MACROD2: variants seen among roughly 807,000 people sequenced by gnomAD.
MACROD2 encodes the protein mono-ADP ribosylhydrolase 2.
MACROD2 carries 36 observed loss-of-function variants against 70.4 expected under a neutral mutation model. The ratio of observed to expected loss-of-function variants is 0.51; its 90% CI spans 0.39 to 0.68. The LOEUF (loss-of-function observed/expected upper bound fraction) is 0.68. Ranked by LOEUF, MACROD2 falls within the 30% of genes least tolerant of loss-of-function variation. The pLI, the probability that MACROD2 is intolerant of heterozygous loss-of-function variation, is 0.00. For missense variants in MACROD2, 496 were observed against 538.4 expected, an observed-to-expected ratio of 0.92 and a Z score of 0.78; for synonymous variants, 172 against 178.8, an observed-to-expected ratio of 0.96 and a Z score of 0.30.
chr20:14,591,345 G>A (rs927079006), intron 4 of MACROD2, among the ~76,000 whole-genome samples: 12 of 152,074 alleles, frequency 7.9e-5, no homozygotes, highest in Non-Finnish European at 1.0e-4. Flanking sequence ...CAGAGGCTTC[G>A]CTCAAATTAT....
intron 3 of MACROD2, among the ~76,000 whole-genome samples, chr20:14,377,246 C>T (rs796427856): frequency 2.6e-5 from 4 of 152,242 alleles, no homozygotes; most frequent in African/African-American, 9.6e-5. Context: ...TGCTAAGGCT[C>T]CTAGTTCTAA....
chr20:15,938,557 T>C (rs1311436329), intron 12 of MACROD2, among the ~76,000 whole-genome samples: 1 of 152,174 alleles, frequency 6.6e-6, no homozygotes, highest in Non-Finnish European at 1.5e-5. Flanking sequence ...GTAAATGTGG[T>C]TCTGACTACT....
chr20:14,138,525 C>T (rs1361952712), intron 3 of MACROD2, among the ~76,000 whole-genome samples: 1 of 152,018 alleles, frequency 6.6e-6, no homozygotes, highest in Non-Finnish European at 1.5e-5. Flanking sequence ...TGCAGGATCT[C>T]ATTTATATGT....
rs144324412 is a variant in MACROD2, at chr20:15,333,746, C to T, written c.541-97659C>T. 9.2e-5 allele frequency among the ~76,000 whole-genome samples: 14 copies of T among 151,606 alleles called. No individual in the cohort carries two copies. The East Asian group carries it at 2.7e-3, about 29-fold the overall frequency. ...AGTTAATGTATTATATGGAGTATGA[C>T]ACGATGTTCAATATCCATTAGGTAT... On this transcript the variant is annotated intron_variant, in intron 6 of 17. Transcript: ENST00000684519.
At chr20:14,973,345 C>A (rs1057106054) in intron 5 of MACROD2, among the ~76,000 whole-genome samples, 69 of 151,430 alleles carry the variant, frequency 4.6e-4, no homozygotes, top group Non-Finnish European at 1.2e-4. Context: ...ACATCAGCAC[C>A]CTGAGTAGCT....
chr20:14,340,900 A>T (rs1362853835), intron 3 of MACROD2, among the ~76,000 whole-genome samples: 1 of 152,210 alleles, frequency 6.6e-6, no homozygotes, highest in Non-Finnish European at 1.5e-5. Flanking sequence ...TCACTAGTGG[A>T]CATGAAAGTA....
chr20:15,653,332 GAGAA>G (rs2146800387), intron 8 of MACROD2, among the ~76,000 whole-genome samples: 1 of 152,310 alleles, frequency 6.6e-6, no homozygotes, highest in African/African-American at 2.4e-5. Context: ...TATTATCAGA[GAGAA>G]AGAAGAAAAA....
chr20:14,071,252 G>GTTTTTTTTTTTTTTTTT lies in MACROD2; in HGVS notation c.164-14359_164-14343dup, dbSNP rs59052053. On this transcript the variant is annotated intron_variant, in intron 2 of 17. Transcript: ENST00000684519. ...GACAGTATTGGCCATTTCATCTTGT[G>GTTTTTTTTTTTTTTTTT]TTTTTTTTTTTTTTTTTTTTTTTTT... Among the ~76,000 whole-genome samples the GTTTTTTTTTTTTTTTTT allele has an allele frequency of 8.8e-4, 56 of 63,948 alleles. 12 individuals are homozygous for GTTTTTTTTTTTTTTTTT. Among genetic ancestry groups the GTTTTTTTTTTTTTTTTT allele is most frequent in the African/African-American group, 3.1e-3 (49 of 15,796 alleles). 42.0% of individuals were successfully genotyped at this position (63,948 alleles called of 152,430 possible). A position where few individuals can be genotyped will look rare whatever the true frequency, so the allele number is the denominator to read the frequency against.
chr20:14,249,444 A>C (rs1478929416), intron 3 of MACROD2, among the ~76,000 whole-genome samples: 1 of 151,870 alleles, frequency 6.6e-6, no homozygotes, highest in Non-Finnish European at 1.5e-5. Context: ...GCAGGGATGG[A>C]GAAAAGAGGG....
intron 8 of MACROD2, among the ~76,000 whole-genome samples, chr20:15,606,559 C>T (rs6079903): frequency 0.25 from 37,709 of 152,052 alleles, 4,651 homozygotes; most frequent in East Asian, 0.28. Context: ...TGTCCCAACG[C>T]ACTAATTTTA....
chr20:14,522,327 C>A (rs2093167150), intron 4 of MACROD2, among the ~76,000 whole-genome samples: 1 of 152,202 alleles, frequency 6.6e-6, no homozygotes, highest in Middle Eastern at 3.4e-3. Context: ...CCTTTCCCCT[C>A]AAACACTAAC....
chr20:15,892,976 A>G (rs1246455603), intron 10 of MACROD2: 8 of 398,932 alleles, frequency 2.0e-5, no homozygotes, highest in Admixed American at 4.4e-5. Flanking sequence ...AGAGCAAAGC[A>G]AAGAAGCCAG....
At chr20:14,311,966 C>T (rs1197640783) in intron 3 of MACROD2, among the ~76,000 whole-genome samples, 1 of 152,046 alleles carries the variant, frequency 6.6e-6, no homozygotes, top group Non-Finnish European at 1.5e-5. Context: ...CTCAAATTGC[C>T]CTCAATCAAT....
At chr20:14,463,781 A>G (rs1346791724) in intron 3 of MACROD2, among the ~76,000 whole-genome samples, 5 of 152,036 alleles carry the variant, frequency 3.3e-5, no homozygotes, top group Admixed American at 2.0e-4. Flanking sequence ...TTCTGCATCT[A>G]TTGAGATAAT....
chr20:15,991,473 T>C (rs2066558040), intron 15 of MACROD2, among the ~76,000 whole-genome samples: 1 of 152,214 alleles, frequency 6.6e-6, no homozygotes, highest in Non-Finnish European at 1.5e-5. Flanking sequence ...ATACACAGAA[T>C]ACCTGTGTAT....
chr20:14,045,177 C>T lies in MACROD2; in HGVS notation c.164-40444C>T, dbSNP rs2053453150. Among the ~76,000 whole-genome samples the T allele has an allele frequency of 2.6e-5, 4 of 152,248 alleles. No homozygotes were observed. The South Asian group carries it at 8.3e-4, about 32-fold the overall frequency. On this transcript the variant is annotated intron_variant, in intron 2 of 17. Transcript: ENST00000684519. The stretch of plus-strand genomic sequence containing the variant: ...GCCTGCGCCTCTCCCTCCACACCTC[C>T]CTGCAAGCTGAGGGAGCCGGCTCCG...
At chr20:14,699,670 TA>T (rs1263937390) in intron 5 of MACROD2, among the ~76,000 whole-genome samples, 2 of 152,184 alleles carry the variant, frequency 1.3e-5, no homozygotes, top group Non-Finnish European at 2.9e-5. Context: ...GAAATATTCT[TA>T]AGCATATATT....
intron 5 of MACROD2, among the ~76,000 whole-genome samples, chr20:14,822,165 A>C (rs2072853060): frequency 6.6e-6 from 1 of 152,060 alleles, no homozygotes; most frequent in Non-Finnish European, 1.5e-5. Flanking sequence ...ATTTCTGTAA[A>C]ACTTGATGGA....
chr20:15,916,830 C>T (rs927775570), intron 10 of MACROD2, among the ~76,000 whole-genome samples: 2 of 152,168 alleles, frequency 1.3e-5, no homozygotes, highest in African/African-American at 2.4e-5. Context: ...GTAATCACTC[C>T]GCAATGAGTT....
Sources: gnomAD v4.1 joint callset for allele counts (sites outside exome capture counted in the v4.1 genomes callset) on GRCh38, gnomAD v4.1.1 for gene constraint, MANE v1.5 for transcripts, NCBI Gene and HGNC (gene_info 2026-07-23, HGNC 2026-07-21) for gene names.